Variants in KIF21A observed in about 807,000 individuals in gnomAD.
KIF21A encodes kinesin-like protein KIF21A.
A neutral mutation model predicts 202.9 loss-of-function variants in KIF21A; 114 were observed. The observed-to-expected ratio is 0.56, with a 90% CI of 0.48 to 0.66. KIF21A has a LOEUF of 0.66. Among genes scored for constraint, KIF21A ranks in the 30% least tolerant of loss-of-function variants. KIF21A has a pLI of 0.00. For synonymous variants in KIF21A, 667 were observed against 670.8 expected, an observed-to-expected ratio of 0.99 and a Z score of 0.09; for missense variants, 1,677 against 1,994.9, an observed-to-expected ratio of 0.84 and a Z score of 3.04.
chr12:39,431,577 G>A (rs909629580), intron 1 of KIF21A, among the ~76,000 whole-genome samples: 2 of 152,184 alleles, frequency 1.3e-5, no homozygotes, highest in Non-Finnish European at 2.9e-5. Flanking sequence ...GACTGACCCA[G>A]AAACTCAGGA....
At chr12:39,308,989 C>A (rs1241985331) in intron 33 of KIF21A, among the ~76,000 whole-genome samples, 1 of 152,050 alleles carries the variant, frequency 6.6e-6, no homozygotes, top group East Asian at 1.9e-4. Flanking sequence ...TTAAAAAATT[C>A]ATCAATATCA....
At chr12:39,305,989 A>T (rs1032639483) in intron 34 of KIF21A, among the ~76,000 whole-genome samples, 4 of 152,212 alleles carry the variant, frequency 2.6e-5, no homozygotes, top group Non-Finnish European at 5.9e-5. Flanking sequence ...TCAGACAATA[A>T]GTGGTCCATT....
intron 1 of KIF21A, among the ~76,000 whole-genome samples, chr12:39,406,303 A>G (rs189070653): frequency 3.2e-4 from 49 of 152,328 alleles, no homozygotes; most frequent in African/African-American, 1.1e-3. Flanking sequence ...TAACTATAAC[A>G]TTGTATTATC....
chr12:39,408,413 GGTTCCTAGCAGGCCACAGACTGGTAACA>G (rs1380985155), intron 1 of KIF21A, among the ~76,000 whole-genome samples: 1 of 152,060 alleles, frequency 6.6e-6, no homozygotes, highest in Non-Finnish European at 1.5e-5. Flanking sequence ...CTGTGTGCCT[GGTTCCTAGCAGGCCACAGACTGGTAACA>G]GTTCCTAGCA....
In KIF21A at chr12:39,307,839, C is replaced by G. The variant is rs374368382; in HGVS notation, c.4278-110G>C. Reference sequence around the variant, plus strand: ...TGTAGGCAACAACAAGAACAGTGTCCTTTTGTCACTATATGTATACTACCT... The same window carrying G: ...TGTAGGCAACAACAAGAACAGTGTCGTTTTGTCACTATATGTATACTACCT... On this transcript the variant is annotated intron_variant, in intron 33 of 37. Transcript: ENST00000361418. 7.2e-6 allele frequency: 6 copies of G among 833,102 alleles called. No homozygotes were observed. The African/African-American group carries it at 1.0e-4, about 14-fold the overall frequency. 51.6% of individuals were successfully genotyped at this position (833,102 alleles called of 1,614,324 possible).
intron 1 of KIF21A, among the ~76,000 whole-genome samples, chr12:39,404,425 C>G (rs968801299): frequency 6.6e-6 from 1 of 152,144 alleles, no homozygotes; most frequent in Non-Finnish European, 1.5e-5. Flanking sequence ...CAGCTCCTCT[C>G]AAAATATTTT....
At chr12:39,411,608 C>T (rs1953083903) in intron 1 of KIF21A, among the ~76,000 whole-genome samples, 1 of 152,218 alleles carries the variant, frequency 6.6e-6, no homozygotes, top group Admixed American at 6.5e-5. Flanking sequence ...CTCACTGCAG[C>T]ATCAATCTCC....
chr12:39,436,664 C>G (rs1938835732), intron 1 of KIF21A, among the ~76,000 whole-genome samples: 1 of 146,048 alleles, frequency 6.8e-6, no homozygotes, highest in Non-Finnish European at 1.5e-5. Flanking sequence ...AACAAGGTAA[C>G]CTCAAAAATT....
chr12:39,316,661 A>T (rs566518892), intron 29 of KIF21A, among the ~76,000 whole-genome samples: 1 of 152,232 alleles, frequency 6.6e-6, no homozygotes, highest in African/African-American at 2.4e-5. Flanking sequence ...GAGAATGAGG[A>T]TATGGTGAGC....
In KIF21A at chr12:39,366,354, C is replaced by T. The variant is rs767553587; in HGVS notation, c.899G>A (p.Gly300Glu). Residue 300 changes from glycine (G) to glutamate (E), a missense_variant, in exon 6 of 38, where the codon GGA becomes GAA. Around this residue, in one of 3 missense-constraint regions of KIF21A, gnomAD observed 966 missense variants for 1,180.9 expected, o/e 0.82. Transcript: ENST00000361418. ...AGCACAAAGCCTTAATCTTACAAGTCCACAGTTGATAGAAATGCCTTCTTT... is the reference window on the plus strand; with the variant it reads ...AGCACAAAGCCTTAATCTTACAAGTTCACAGTTGATAGAAATGCCTTCTTT... ...RAKEGISINC[G>E]LLALGNVISA... 1.1e-5 allele frequency: 18 copies of T among 1,613,466 alleles called. No individual in the cohort carries two copies. Among genetic ancestry groups the T allele is most frequent in the Non-Finnish European group, 2.5e-6 (3 of 1,179,570 alleles).
intron 1 of KIF21A, among the ~76,000 whole-genome samples, chr12:39,425,655 A>G (rs1255020624): frequency 1.3e-5 from 2 of 152,322 alleles, no homozygotes; most frequent in Non-Finnish European, 2.9e-5. Context: ...TGGAGGGGTT[A>G]TAAGTGTTGA....
chr12:39,306,730 G>C (rs1943511488), intron 34 of KIF21A, among the ~76,000 whole-genome samples: 1 of 152,114 alleles, frequency 6.6e-6, no homozygotes, highest in Non-Finnish European at 1.5e-5. Flanking sequence ...CTCTAAGAAG[G>C]TAGATCTAGG....
intron 1 of KIF21A, among the ~76,000 whole-genome samples, chr12:39,385,290 T>C (rs886156355): frequency 2.6e-5 from 4 of 151,506 alleles, no homozygotes; most frequent in Middle Eastern, 3.4e-3. Flanking sequence ...GCAGAGAAAA[T>C]AGGGAAGGAG....
chr12:39,315,184 T>C (rs1297845437), intron 31 of KIF21A, 45 bp downstream of exon 31: 1 of 1,580,492 alleles, frequency 6.3e-7, no homozygotes, highest in Admixed American at 1.7e-5. Flanking sequence ...TAAGGTCTTT[T>C]GATACTGGAA....
At chr12:39,381,394 G>A (rs911496721) in intron 1 of KIF21A, among the ~76,000 whole-genome samples, 1 of 151,760 alleles carries the variant, frequency 6.6e-6, no homozygotes, top group Non-Finnish European at 1.5e-5. Flanking sequence ...GATCCCAGAG[G>A]TATATTATTT....
rs1351512351 is a variant in KIF21A at position 39,355,707 on chromosome 12, T to TTTTATATATATATATATATATA, written c.1469+1124_1469+1125insTATATATATATATATATATAAA. ...TACCAAAAACATGAAGCATGAACAATTATATATATATATATATATATATAT... is the reference window on the plus strand; with the variant it reads ...TACCAAAAACATGAAGCATGAACAATTTTATATATATATATATATATATATATATATATATATATATATATAT... On this transcript the variant is annotated intron_variant, in intron 10 of 37. Transcript: ENST00000361418. Among the ~76,000 whole-genome samples the TTTTATATATATATATATATATA allele has an allele frequency of 2.0e-4, 20 of 101,230 alleles. No homozygotes were observed. In the South Asian group the frequency reaches 2.8e-3, roughly 14 times the overall value. 66.4% of individuals were successfully genotyped at this position (101,230 alleles called of 152,430 possible). A position where few individuals can be genotyped will look rare whatever the true frequency, so the allele number is the denominator to read the frequency against.
chr12:39,386,818 G>A (rs1260201942), intron 1 of KIF21A, among the ~76,000 whole-genome samples: 1 of 152,158 alleles, frequency 6.6e-6, no homozygotes, highest in African/African-American at 2.4e-5. Flanking sequence ...GGGTTTAAAA[G>A]CCAGGTTCTT....
At chr12:39,299,065 T>G (rs1325879458) in intron 37 of KIF21A, among the ~76,000 whole-genome samples, 2 of 152,190 alleles carry the variant, frequency 1.3e-5, no homozygotes, top group African/African-American at 4.8e-5. Context: ...CCTGTGATTT[T>G]GAAAATATGT....
intron 1 of KIF21A, among the ~76,000 whole-genome samples, chr12:39,430,623 A>G (rs1418067838): frequency 6.6e-6 from 1 of 151,852 alleles, no homozygotes; most frequent in Non-Finnish European, 1.5e-5. Flanking sequence ...GAACATTAAT[A>G]TATTTTATAC....
Sources: allele counts gnomAD v4.1 joint callset (sites outside exome capture counted in the v4.1 genomes callset), GRCh38; gene constraint gnomAD v4.1.1; regional missense constraint gnomAD v4.1.1; transcripts MANE v1.5; gene names NCBI Gene and HGNC (gene_info 2026-07-23, HGNC 2026-07-21).